Variants in CNOT11 observed in about 807,000 individuals in gnomAD.
CNOT11 encodes the protein CCR4-NOT transcription complex subunit 11.
CNOT11 carries 18 observed loss-of-function variants against 44.6 expected under a neutral mutation model. That is an observed-to-expected ratio of 0.40 (90% CI 0.28 to 0.60). The LOEUF (loss-of-function observed/expected upper bound fraction) is 0.60. Ranked by LOEUF, CNOT11 falls within the 20% of genes least tolerant of loss-of-function variation. CNOT11 has a pLI of 0.38. For synonymous variants in CNOT11, 291 were observed against 270.9 expected (o/e 1.07, Z -0.73); for missense variants, 513 against 677.0 (o/e 0.76, Z 2.69).
chr2:101,257,713 C>A, intron 1 of CNOT11, 78 bp from the exon 2 acceptor site: 1 of 1,198,486 alleles, frequency 8.3e-7, no homozygotes, highest in Non-Finnish European at 1.2e-6. Context: ...TGGCAAGTAG[C>A]AAGTACTGAT....
chr2:101,255,267 G>C (rs1048259687), intron 1 of CNOT11, among the ~76,000 whole-genome samples: 5 of 151,168 alleles, frequency 3.3e-5, no homozygotes, highest in African/African-American at 1.2e-4. Flanking sequence ...AGGCCGAGGC[G>C]GGCGGATCAC....
rs1681666475 is a variant in CNOT11 at position 101,253,312 on chromosome 2, C to T, written c.348C>T (p.Asp116=). The change falls in exon 1 of 7, where the codon GAC becomes GAT. Residue 116 remains aspartate (D), a synonymous_variant. Coordinates refer to ENST00000289382, the MANE Select transcript of CNOT11 (RefSeq NM_017546.5). This position sits in a 1 kb window ranked among gnomAD's most constrained non-coding sequence, Gnocchi z 4.3. The part of the protein sequence containing the change: ...SVLVMLLQQP[D]LLPSAAQRLT... Reference sequence around the variant, plus strand: ...TCGTCATGCTGCTCCAGCAGCCCGACCTGCTGCCTAGCGCGGCGCAGCGCC... The same window carrying T: ...TCGTCATGCTGCTCCAGCAGCCCGATCTGCTGCCTAGCGCGGCGCAGCGCC... 1 of 1,609,394 alleles carries T rather than the reference C, an allele frequency of 6.2e-7. No individual in the cohort carries two copies. The highest frequency in any genetic ancestry group is 8.5e-7 in the Non-Finnish European group (1 of 1,179,412).
At position 101,253,220 on chromosome 2, in the gene CNOT11, G is replaced by T; in HGVS notation, c.256G>T (p.Glu86Ter). The T allele has an allele frequency of 6.2e-7, 1 of 1,608,924 alleles. No individual in the cohort carries two copies. The highest frequency in any genetic ancestry group is 8.5e-7 in the Non-Finnish European group (1 of 1,178,738). The change falls in exon 1 of 7, where the codon GAG (glutamate) becomes TAG (stop). Residue 86 changes from glutamate (E) to a stop codon, truncating the protein, a stop_gained. Transcript: ENST00000289382. LOFTEE classifies it high-confidence loss of function. This position sits in a 1 kb window ranked among gnomAD's most constrained non-coding sequence, Gnocchi z 4.3. The stretch of plus-strand genomic sequence containing the variant: ...GGAGGCGGGCGGCGGCAGCACCTTC[G>T]AGGGCCTGTCCACCGCCTTCCACCA... ...SEEAGGGSTF[E>*]GLSTAFHHYF...
chr2:101,266,793 A>G lies in CNOT11; in HGVS notation c.1152A>G (p.Lys384=). The G allele has an allele frequency of 6.2e-7, 1 of 1,614,122 alleles. No individual in the cohort carries two copies. Among genetic ancestry groups the G allele is most frequent in the Non-Finnish European group, 8.5e-7 (1 of 1,179,976 alleles). The change falls in exon 5 of 7, where the codon AAA becomes AAG. Residue 384 remains lysine (K), a synonymous_variant. Coordinates refer to ENST00000289382, the MANE Select transcript of CNOT11 (RefSeq NM_017546.5). ...NPLVAIEMLL[K]LMQSSQITEY... ...TAGTCGCTATAGAAATGTTGCTGAA[A>G]TTAATGCAGTCAAGCCAGATCACTG...
At chr2:101,263,078 G>A (rs1681904592) in intron 3 of CNOT11, among the ~76,000 whole-genome samples, 2 of 152,020 alleles carry the variant, frequency 1.3e-5, no homozygotes, top group Admixed American at 6.6e-5. Context: ...AAAATTAGCC[G>A]AGTGTAGTGG....
rs192494757 is a variant in CNOT11 at position 101,256,487 on chromosome 2, A to G, written c.515-1304A>G. 2.0e-5 allele frequency among the ~76,000 whole-genome samples: 3 copies of G among 152,246 alleles called. No individual in the cohort carries two copies. In the East Asian group the frequency reaches 5.8e-4, roughly 29 times the overall value. On this transcript the variant is annotated intron_variant, in intron 1 of 6. Coordinates refer to ENST00000289382, the MANE Select transcript of CNOT11 (RefSeq NM_017546.5). ...ATCTGAGGGAATGCAGCCTGGTGAC[A>G]TTTCTGCAGTGGGAGAGATGAGGCT... is the stretch of plus-strand genomic sequence containing the variant.
At chr2:101,256,254 G>A (rs1681734648) in intron 1 of CNOT11, among the ~76,000 whole-genome samples, 2 of 152,172 alleles carry the variant, frequency 1.3e-5, no homozygotes, top group Admixed American at 6.6e-5. Context: ...ACCAGATTTT[G>A]AAGGGTCTTG....
intron 2 of CNOT11, among the ~76,000 whole-genome samples, chr2:101,261,844 CTTTTTTTTTTTTT>C (rs3044629): frequency 8.9e-6 from 1 of 111,854 alleles, no homozygotes; most frequent in African/African-American, 3.3e-5. Context: ...TTCTTTCTTT[CTTTTTTTTTTTTT>C]TTTTTTTGAG....
In CNOT11 at chr2:101,269,061, A is replaced by G. The variant is rs753022927; in HGVS notation, c.1260A>G (p.Leu420=). Reference sequence around the variant, plus strand: ...ACAGACTAACTACAGCTGTTGATCTACCTCCTGAATTTATTCACCTTTATA... The same window carrying G: ...ACAGACTAACTACAGCTGTTGATCTGCCTCCTGAATTTATTCACCTTTATA... The part of the protein sequence containing the change: ...VVNRLTTAVD[L]PPEFIHLYIS... The change falls in exon 6 of 7, where the codon CTA becomes CTG. Residue 420 remains leucine, a synonymous_variant. Coordinates refer to ENST00000289382, the MANE Select transcript of CNOT11 (RefSeq NM_017546.5). The surrounding 1 kb of genome is among the most constrained non-coding windows in gnomAD (Gnocchi z 4.8). The G allele has an allele frequency of 2.5e-6, 4 of 1,607,904 alleles. No homozygotes were observed. The highest frequency in any genetic ancestry group is 3.4e-5 in the Admixed American group (2 of 59,342).
chr2:101,268,450 T>TC (rs1474407051), intron 5 of CNOT11, among the ~76,000 whole-genome samples: 1 of 152,224 alleles, frequency 6.6e-6, no homozygotes, highest in Non-Finnish European at 1.5e-5. Flanking sequence ...CTGTTTGTTT[T>TC]CCCCCGATAC....
chr2:101,262,702 A>G lies in CNOT11; in HGVS notation c.832+11A>G. ...AGCCACCTATTGAAAGTAGGTACAT[A>G]TAAATTAATTTATACTCTTTGTTTT... On this transcript the variant is annotated intron_variant, in intron 3 of 6. Transcript: ENST00000289382. The G allele has an allele frequency of 6.2e-7, 1 of 1,609,536 alleles. No individual in the cohort carries two copies. Among genetic ancestry groups the G allele is most frequent in the Non-Finnish European group, 8.5e-7 (1 of 1,176,700 alleles).
intron 4 of CNOT11, among the ~76,000 whole-genome samples, chr2:101,266,214 G>A (rs1444543764): frequency 2.0e-5 from 3 of 152,152 alleles, no homozygotes; most frequent in African/African-American, 4.8e-5. Context: ...TTCCCGCTCC[G>A]GCTTCCCACT....
At chr2:101,263,790 T>C (rs531479577) in intron 3 of CNOT11, among the ~76,000 whole-genome samples, 5 of 152,226 alleles carry the variant, frequency 3.3e-5, no homozygotes, top group Non-Finnish European at 7.3e-5. Context: ...AAATATTTGC[T>C]CGGGCAGAAC....
chr2:101,262,630 C>T lies in CNOT11; in HGVS notation c.771C>T (p.Asp257=). The change falls in exon 3 of 7, where the codon GAC becomes GAT. Residue 257 remains aspartate (D), a synonymous_variant. Transcript: ENST00000289382. ...CGGATTCTTCTAATTCTGGATTTGA[C>T]AGCTCAGTTGCCTCTCAGATCACAG... The part of the protein sequence containing the change: ...PDPDSSNSGF[D]SSVASQITEA... 2 of 1,614,160 alleles carry T rather than the reference C, an allele frequency of 1.2e-6. No homozygotes were observed. The highest frequency in any genetic ancestry group is 1.7e-6 in the Non-Finnish European group (2 of 1,180,002).
rs1237221356 is a variant in CNOT11, at chr2:101,253,029, C to A, written c.65C>A (p.Ser22Tyr). The change falls in exon 1 of 7, where the codon TCC becomes TAC. Residue 22 changes from serine (S) to tyrosine (Y), a missense_variant. Ser to Tyr is a moderately radical substitution (Grantham distance 144). Around this residue, in one of 4 missense-constraint regions of CNOT11, gnomAD observed 259 missense variants for 265.7 expected, o/e 0.97. Coordinates refer to ENST00000289382, the MANE Select transcript of CNOT11 (RefSeq NM_017546.5). The surrounding 1 kb of genome is among the most constrained non-coding windows in gnomAD (Gnocchi z 4.3). ...CTCACCGCCGCGGAGCAAAGAGGGT[C>A]CCGGGAAGCGGCAGGGTCGGCGTCC... The part of the protein sequence containing the change: ...RLLTAAEQRG[S>Y]REAAGSASRS... 3 of 1,513,976 alleles carry A rather than the reference C, an allele frequency of 2.0e-6. No individual in the cohort carries two copies. The highest frequency in any genetic ancestry group is 1.2e-5 in the South Asian group (1 of 82,164). The allele number at this position is 1,513,976 out of a possible 1,614,324, so 93.8% of individuals were successfully genotyped here. A position where few individuals can be genotyped will look rare whatever the true frequency, so the allele number is the denominator to read the frequency against.
In CNOT11 at chr2:101,270,246, T is replaced by G. The variant is rs1186234698; in HGVS notation, c.*833T>G. ...GAAGTAGGAGAGCAGGGTGGTACCG[T>G]GTGGGCTCTTACCCTTTATGTGATT... On this transcript the variant is annotated 3_prime_UTR_variant, in exon 7 of 7. Transcript: ENST00000289382. The G allele has an allele frequency of 6.6e-6, 1 of 152,622 alleles. No homozygotes were observed. The highest frequency in any genetic ancestry group is 2.4e-5 in the African/African-American group (1 of 41,426). 9.5% of individuals were successfully genotyped at this position (152,622 alleles called of 1,614,324 possible). A position where few individuals can be genotyped will look rare whatever the true frequency, so the allele number is the denominator to read the frequency against.
In CNOT11 at chr2:101,253,243, C is replaced by A; in HGVS notation, c.279C>A (p.His93Gln). Residue 93 changes from histidine to glutamine, a missense_variant, in exon 1 of 7, where the codon CAC (histidine) becomes CAA (glutamine). His to Gln is a conservative substitution (Grantham distance 24). This residue lies in a region of CNOT11 where 259 missense variants were observed against 265.7 expected (regional missense o/e 0.97). Transcript: ENST00000289382. This position sits in a 1 kb window ranked among gnomAD's most constrained non-coding sequence, Gnocchi z 4.3. ...TCGAGGGCCTGTCCACCGCCTTCCA[C>A]CACTACTTCAGCAAGGCCGACCACT... ...STFEGLSTAF[H>Q]HYFSKADHFR... 5 of 1,611,868 alleles carry A rather than the reference C, an allele frequency of 3.1e-6. No homozygotes were observed. The highest frequency in any genetic ancestry group is 1.3e-5 in the African/African-American group (1 of 74,830).
At position 101,266,372 on chromosome 2, in the gene CNOT11, A is replaced by G. The variant is rs372985927; in HGVS notation, c.1036-305A>G. ...CTGCAAAGGACTTGACATTGTTACA[A>G]CCAGACAGTATTTTATCTGACCAGA... is the stretch of plus-strand genomic sequence containing the variant. On this transcript the variant is annotated intron_variant, in intron 4 of 6. Coordinates refer to ENST00000289382, the MANE Select transcript of CNOT11 (RefSeq NM_017546.5). 9.2e-5 allele frequency among the ~76,000 whole-genome samples: 14 copies of G among 152,290 alleles called. No homozygotes were observed. In the East Asian group the frequency reaches 2.7e-3, roughly 29 times the overall value.
At position 101,252,907 on chromosome 2, in the gene CNOT11, G is replaced by A; in HGVS notation, c.-58G>A. The A allele has an allele frequency of 1.5e-6, 2 of 1,369,724 alleles. No individual in the cohort carries two copies. The highest frequency in any genetic ancestry group is 9.4e-7 in the Non-Finnish European group (1 of 1,068,172). The allele number at this position is 1,369,724 out of a possible 1,614,324, so 84.8% of individuals were successfully genotyped here. ...CAGCGCGCTTTACGGCCGCGGGGAC[G>A]GAGCGAGCCGGCGCCAGGGCCCCTC... On this transcript the variant is annotated 5_prime_UTR_variant, in exon 1 of 7. Coordinates refer to ENST00000289382, the MANE Select transcript of CNOT11 (RefSeq NM_017546.5).
Sources: gnomAD v4.1 joint callset for allele counts (sites outside exome capture counted in the v4.1 genomes callset) on GRCh38, gnomAD v4.1.1 for gene constraint, gnomAD v4.1.1 regional missense constraint, Gnocchi (gnomAD v3.1) non-coding constraint, MANE v1.5 for transcripts, NCBI Gene and HGNC (gene_info 2026-07-23, HGNC 2026-07-21) for gene names.